Variants in PPM1J observed in about 807,000 individuals in gnomAD.
PPM1J encodes the protein protein phosphatase 1J.
PPM1J carries 43 observed loss-of-function variants against 53.3 expected under a neutral mutation model. That is an observed-to-expected ratio of 0.81 (90% CI 0.63 to 1.04). PPM1J has a LOEUF of 1.04. Among genes scored for constraint, PPM1J ranks in the 50% least tolerant of loss-of-function variants. The probability of loss-of-function intolerance (pLI) is 0.00; values close to 1 mark genes in which losing one functional copy is unlikely to be tolerated. For synonymous variants in PPM1J, 267 were observed against 286.4 expected (o/e 0.93, Z 0.68); for missense variants, 635 against 685.9 (o/e 0.93, Z 0.83).
chr1:112,713,993 C>T (rs1675135053), intron 1 of PPM1J: 2 of 1,094,830 alleles, frequency 1.8e-6, no homozygotes, highest in Non-Finnish European at 2.3e-6. Flanking sequence ...TACATCCCAC[C>T]CTCAACCACT....
At chr1:112,714,336 G>T (rs961692431) in intron 1 of PPM1J, 10 of 985,514 alleles carry the variant, frequency 1.0e-5, no homozygotes, top group Non-Finnish European at 1.2e-5. Flanking sequence ...CACAGCCCGG[G>T]GGCCAGCCGG....
chr1:112,714,281 T>C (rs1171169079), intron 1 of PPM1J: 1 of 985,448 alleles, frequency 1.0e-6, no homozygotes, highest in East Asian at 1.1e-4. Context: ...AGCGCCCCCA[T>C]CTCCCTCGGT....
chr1:112,713,125 G>A (rs1002531802), intron 2 of PPM1J, 94 bp from the exon 3 acceptor site: 5 of 1,183,342 alleles, frequency 4.2e-6, no homozygotes, highest in Non-Finnish European at 5.8e-6. Flanking sequence ...AAGACTCTGG[G>A]CATCCATACA....
chr1:112,714,670 G>A lies in PPM1J; in HGVS notation c.326+306C>T, dbSNP rs76381016. On this transcript the variant is annotated intron_variant, in intron 1 of 9. Coordinates refer to ENST00000309276, the MANE Select transcript of PPM1J (RefSeq NM_005167.7). ...AGCTGCCGGGCCGCGACGGGGAACTGGCCAACTCATCCTTCGCCGGGCTCT... is the reference window on the plus strand; with the variant it reads ...AGCTGCCGGGCCGCGACGGGGAACTAGCCAACTCATCCTTCGCCGGGCTCT... The A allele has an allele frequency of 4.2e-3, 5,104 of 1,205,026 alleles. 159 individuals carry two copies. In the East Asian group the frequency reaches 0.091, roughly 21 times the overall value. The allele number at this position is 1,205,026 out of a possible 1,614,324, so 74.6% of individuals were successfully genotyped here.
intron 1 of PPM1J, chr1:112,714,337 G>A: frequency 1.0e-6 from 1 of 985,518 alleles, no homozygotes; most frequent in Non-Finnish European, 1.2e-6. Flanking sequence ...ACAGCCCGGG[G>A]GCCAGCCGGC....
rs1675119818 is a variant in PPM1J, at chr1:112,713,368, G to A, written c.441+129C>T. The A allele has an allele frequency of 3.8e-5, 26 of 678,540 alleles. 1 individual carries two copies. The South Asian group carries it at 4.3e-4, about 11-fold the overall frequency. 42.0% of individuals were successfully genotyped at this position (678,540 alleles called of 1,614,324 possible). A position where few individuals can be genotyped will look rare whatever the true frequency, so the allele number is the denominator to read the frequency against. ...ATCTAACTGATGAATACCAGGTAAA[G>A]GTTCTGTGCCAGAAGGTAGATAGCC... is the stretch of plus-strand genomic sequence containing the variant. On this transcript the variant is annotated intron_variant, in intron 2 of 9. Coordinates refer to ENST00000309276, the MANE Select transcript of PPM1J (RefSeq NM_005167.7).
chr1:112,711,921 G>T, intron 5 of PPM1J, 50 bp downstream of exon 5: 1 of 1,329,924 alleles, frequency 7.5e-7, no homozygotes, highest in Non-Finnish European at 1.1e-6. Context: ...GGTGCAGGGA[G>T]GCACAAGACC....
intron 4 of PPM1J, 55 bp from the exon 5 acceptor site, chr1:112,712,110 A>G: frequency 6.9e-7 from 1 of 1,443,798 alleles, no homozygotes; most frequent in Non-Finnish European, 9.5e-7. Flanking sequence ...CCCACTCATG[A>G]AAAATTCCAG....
rs896503096 is a variant in PPM1J at position 112,714,778 on chromosome 1, G to A, written c.326+198C>T. 3.2e-6 allele frequency: 4 copies of A among 1,266,064 alleles called. No homozygotes were observed. The Admixed American group carries it at 1.7e-4, about 53-fold the overall frequency. 78.4% of individuals were successfully genotyped at this position (1,266,064 alleles called of 1,614,324 possible). A position where few individuals can be genotyped will look rare whatever the true frequency, so the allele number is the denominator to read the frequency against. On this transcript the variant is annotated intron_variant, in intron 1 of 9. Coordinates refer to ENST00000309276, the MANE Select transcript of PPM1J (RefSeq NM_005167.7). ...CAATGAGCGGGAAGGACGTGAAGAA[G>A]GTGACACAGGCTGCCCCCCACTGGA...
chr1:112,710,650 G>A (rs1675035649), intron 8 of PPM1J, 39 bp from the exon 9 acceptor site: 1 of 1,613,738 alleles, frequency 6.2e-7, no homozygotes, highest in Admixed American at 1.7e-5. Context: ...GAGGTGTGGG[G>A]TTTGCTGGAC....
At position 112,710,290 on chromosome 1, in the gene PPM1J, G is replaced by T. The variant is rs1675026722; in HGVS notation, c.1391C>A (p.Ala464Asp). The T allele has an allele frequency of 1.2e-6, 2 of 1,610,580 alleles. No individual in the cohort carries two copies. Among genetic ancestry groups the T allele is most frequent in the South Asian group, 2.2e-5 (2 of 90,784 alleles). Residue 464 changes from alanine to aspartate, a missense_variant, in exon 10 of 10, where the codon GCT becomes GAT. Coordinates refer to ENST00000309276, the MANE Select transcript of PPM1J (RefSeq NM_005167.7). The part of the protein sequence containing the change: ...DHSRYTALAQ[A>D]LVLGARGTPR... The stretch of plus-strand genomic sequence containing the variant: ...GGTACCCCGGGCCCCCAGGACCAGA[G>T]CTTGGGCCAGAGCTGTATACCTGCC...
chr1:112,711,483 G>C (rs764429174), intron 5 of PPM1J, 99 bp from the exon 6 acceptor site: 35 of 676,456 alleles, frequency 5.2e-5, no homozygotes, highest in Non-Finnish European at 8.8e-5. Context: ...CCCTTAAACA[G>C]AGTTTACCAT....
chr1:112,710,272 C>T lies in PPM1J; in HGVS notation c.1409G>A (p.Arg470Gln), dbSNP rs574734247. The T allele has an allele frequency of 5.0e-5, 80 of 1,605,632 alleles. No individual in the cohort carries two copies. The highest frequency in any genetic ancestry group is 4.1e-4 in the Admixed American group (23 of 56,642). The change falls in exon 10 of 10, where the codon CGG becomes CAG. Residue 470 changes from arginine (R) to glutamine (Q), a missense_variant. Coordinates refer to ENST00000309276, the MANE Select transcript of PPM1J (RefSeq NM_005167.7). ...ALAQALVLGARGTPRDRGWRL... is the reference protein window; with the variant it reads ...ALAQALVLGAQGTPRDRGWRL... The stretch of plus-strand genomic sequence containing the variant: ...CCAGCCACGGTCTCGGGGGGTACCC[C>T]GGGCCCCCAGGACCAGAGCTTGGGC...
rs781494071 is a variant in PPM1J, at chr1:112,713,578, C to T, written c.360G>A (p.Glu120=). Residue 120 remains glutamate (E), a synonymous_variant, in exon 2 of 10, where the codon GAG becomes GAA. Coordinates refer to ENST00000309276, the MANE Select transcript of PPM1J (RefSeq NM_005167.7). ...VINAGKSRHN[E]DQACCEVVYV... is the part of the protein sequence containing the mutation. ...ACACCACTTCACAGCAAGCCTGGTCCTCATTGTGCCGACTCTTGCCAGCAT... is the reference window on the plus strand; with the variant it reads ...ACACCACTTCACAGCAAGCCTGGTCTTCATTGTGCCGACTCTTGCCAGCAT... 1.7e-5 allele frequency: 27 copies of T among 1,614,060 alleles called. No individual in the cohort carries two copies. In the Middle Eastern group the frequency reaches 4.9e-4, roughly 29 times the overall value.
rs887085431 is a variant in PPM1J, at chr1:112,711,031, G to C, written c.1087C>G (p.Leu363Val). 1.2e-6 allele frequency: 2 copies of C among 1,614,070 alleles called. No individual in the cohort carries two copies. Among genetic ancestry groups the C allele is most frequent in the Admixed American group, 1.7e-5 (1 of 60,012 alleles). Residue 363 changes from leucine (L) to valine (V), a missense_variant, in exon 7 of 10, where the codon CTG (leucine) becomes GTG (valine). Leu to Val is a conservative substitution (Grantham distance 32). Coordinates refer to ENST00000309276, the MANE Select transcript of PPM1J (RefSeq NM_005167.7). ...ACCTTTTTGCCCTCCCCACAGACCAGAGGAAACCTGAGATCCTCCAGCTCG... is the reference window on the plus strand; with the variant it reads ...ACCTTTTTGCCCTCCCCACAGACCACAGGAAACCTGAGATCCTCCAGCTCG... ...KIELEDLRFP[L>V]VCGEGKKARV...
chr1:112,711,442 G>A (rs1268095042), intron 5 of PPM1J, 58 bp from the exon 6 acceptor site: 1 of 1,005,336 alleles, frequency 9.9e-7, no homozygotes, highest in Non-Finnish European at 1.5e-6. Flanking sequence ...ACAGCACACG[G>A]TGGCACACAG....
Position 112,712,770 on chromosome 1 carries a change from C to T in PPM1J, c.703G>A (p.Ala235Thr), listed in dbSNP as rs764931335. ...EVSHESLVVG[A>T]VENAFQLMDE... ...ATGAGCTGGAAGGCATTCTCAACGGCCCCCACTACCAGGCTCTCGTGGCTC... is the reference window on the plus strand; with the variant it reads ...ATGAGCTGGAAGGCATTCTCAACGGTCCCCACTACCAGGCTCTCGTGGCTC... Residue 235 changes from alanine (A) to threonine (T), a missense_variant, in exon 3 of 10, where the codon GCC becomes ACC. Physicochemically the swap from Ala to Thr is moderately conservative, Grantham distance 58 (BLOSUM62 0). Transcript: ENST00000309276. The T allele has an allele frequency of 1.2e-6, 2 of 1,610,908 alleles. No homozygotes were observed. The highest frequency in any genetic ancestry group is 3.3e-5 in the Admixed American group (2 of 59,954).
Position 112,712,974 on chromosome 1 carries a change from C to T in PPM1J, c.499G>A (p.Glu167Lys), listed in dbSNP as rs1408528219. The change falls in exon 3 of 10, where the codon GAA becomes AAA. Residue 167 changes from glutamate to lysine, a missense_variant. Transcript: ENST00000309276. ...CGATGCAGGAGCCGTGAGGCCATTT[C>T]AGCAGCTCCGCCCCCTGCATGCCCA... ...FDGHAGGGAA[E>K]MASRLLHRHI... 2 of 1,613,622 alleles carry T rather than the reference C, an allele frequency of 1.2e-6. No homozygotes were observed. Among genetic ancestry groups the T allele is most frequent in the Middle Eastern group, 1.8e-4 (1 of 5,712 alleles).
rs1570844914 is a variant in PPM1J at position 112,715,011 on chromosome 1, C to A, written c.291G>T (p.Thr97=). 1.4e-6 allele frequency: 2 copies of A among 1,473,012 alleles called. No individual in the cohort carries two copies. Among genetic ancestry groups the A allele is most frequent in the East Asian group, 2.8e-5 (1 of 35,780 alleles). 91.2% of individuals were successfully genotyped at this position (1,473,012 alleles called of 1,614,324 possible). Residue 97 remains threonine (T), a synonymous_variant, in exon 1 of 10, where the codon ACG becomes ACT. Transcript: ENST00000309276. This position sits in a 1 kb window ranked among gnomAD's most constrained non-coding sequence, Gnocchi z 4.4. ...CTGTGCTCCAGGGCAGGCGGCGGCC[C>A]GTGTCCGGGGGGCTTTGCACAGCCC... ...AGRAVQSPPD[T]GRRLPWSTGY...
Sources: allele counts gnomAD v4.1 joint callset, GRCh38; gene constraint gnomAD v4.1.1; non-coding constraint Gnocchi (gnomAD v3.1); transcripts MANE v1.5; gene names NCBI Gene and HGNC (gene_info 2026-07-23, HGNC 2026-07-21).